The following ALG8 variants were observed in gnomAD, a reference collection of about 807,000 sequenced individuals.
ALG8 encodes ALG8 alpha-1,3-glucosyltransferase.
In ALG8, 48 loss-of-function variants were observed where a neutral mutation model predicts 70.2. That is an observed-to-expected ratio of 0.68 (90% CI 0.54 to 0.87). The LOEUF (loss-of-function observed/expected upper bound fraction) is 0.87. ALG8 is among the 40% of genes least tolerant of loss of function. The pLI is 0.00. For synonymous variants in ALG8, 234 were observed against 229.0 expected (o/e 1.02, Z -0.20); for missense variants, 572 against 608.7 (o/e 0.94, Z 0.64).
At position 78,104,344 on chromosome 11, in the gene ALG8, G is replaced by A; in HGVS notation, c.1276+12C>T. Reference sequence around the variant, plus strand: ...ATAGTCAAATATATTTTTCTCAGAAGACGCTGTTTACCTGGTGCAGTGAAG... The same window carrying A: ...ATAGTCAAATATATTTTTCTCAGAAAACGCTGTTTACCTGGTGCAGTGAAG... On this transcript the variant is annotated intron_variant, in intron 11 of 12. Coordinates refer to ENST00000299626, the MANE Select transcript of ALG8 (RefSeq NM_024079.5). 1 of 1,565,472 alleles carries A rather than the reference G, an allele frequency of 6.4e-7. No homozygotes were observed. The highest frequency in any genetic ancestry group is 8.7e-7 in the Non-Finnish European group (1 of 1,155,968).
chr11:78,110,654 T>C (rs760988408), intron 8 of ALG8, among the ~76,000 whole-genome samples: 31 of 152,296 alleles, frequency 2.0e-4, no homozygotes, highest in Middle Eastern at 3.4e-3. Context: ...AATAAATCAA[T>C]TCAGAGAATG....
chr11:78,123,060 C>A (rs1352487122), intron 3 of ALG8, among the ~76,000 whole-genome samples: 1 of 152,046 alleles, frequency 6.6e-6, no homozygotes, highest in African/African-American at 2.4e-5. Context: ...GTAATCCCAG[C>A]ACTTTGGGAG....
intron 5 of ALG8, among the ~76,000 whole-genome samples, chr11:78,117,807 G>A (rs1375481494): frequency 2.6e-4 from 39 of 150,316 alleles, no homozygotes; most frequent in Admixed American, 2.6e-3. Flanking sequence ...GGGAGCGGTG[G>A]CTCACGTCTG....
chr11:78,112,535 G>T, intron 8 of ALG8, 115 bp downstream of exon 8: 1 of 1,491,576 alleles, frequency 6.7e-7, no homozygotes, highest in Non-Finnish European at 9.2e-7. Flanking sequence ...CTGAAATGCA[G>T]GACTGGAGAA....
intron 8 of ALG8, 113 bp downstream of exon 8, chr11:78,112,537 A>C: frequency 6.7e-7 from 1 of 1,497,684 alleles, no homozygotes; most frequent in South Asian, 1.1e-5. Context: ...GAAATGCAGG[A>C]CTGGAGAACA....
At chr11:78,135,951 T>C (rs984536850) in intron 1 of ALG8, among the ~76,000 whole-genome samples, 76 of 151,704 alleles carry the variant, frequency 5.0e-4, no homozygotes, top group African/African-American at 1.8e-3. Context: ...GGTGGATCGC[T>C]TGAGGTCAGG....
At position 78,112,646 on chromosome 11, in the gene ALG8, A is replaced by G. The variant is rs778699564; in HGVS notation, c.898+4T>C. ...GTCTGAGTAAAAAATGCTCGCTACC[A>G]TACCGATGACAGACAGCACTTTGTC... On this transcript the variant is annotated splice_donor_region_variant and intron_variant, in intron 8 of 12. Coordinates refer to ENST00000299626, the MANE Select transcript of ALG8 (RefSeq NM_024079.5). The G allele has an allele frequency of 2.2e-5, 35 of 1,613,586 alleles. 1 individual carries two copies. In the East Asian group the frequency reaches 7.6e-4, roughly 35 times the overall value.
intron 7 of ALG8, 118 bp downstream of exon 7, chr11:78,113,768 G>A: frequency 3.7e-6 from 3 of 807,358 alleles, no homozygotes; most frequent in Non-Finnish European, 5.9e-6. Flanking sequence ...AGTCACGTTG[G>A]GTAAGGAGTA....
rs1174378754 is a variant in ALG8 at position 78,130,348 on chromosome 11, C to CAAAAAAAA, written c.96-2920_96-2913dup. Among the ~76,000 whole-genome samples the CAAAAAAAA allele has an allele frequency of 8.3e-4, 41 of 49,156 alleles. 10 individuals are homozygous for CAAAAAAAA. Among genetic ancestry groups the CAAAAAAAA allele is most frequent in the African/African-American group, 1.9e-3 (16 of 8,528 alleles). 32.2% of individuals were successfully genotyped at this position (49,156 alleles called of 152,430 possible). On this transcript the variant is annotated intron_variant, in intron 1 of 12. Coordinates refer to ENST00000299626, the MANE Select transcript of ALG8 (RefSeq NM_024079.5). Reference sequence around the variant, plus strand: ...TGGGAGACAGAGCAAGACCCGGTCTCAAAAAAAAAAAAAAAAAAAGGTGAG... The same window carrying CAAAAAAAA: ...TGGGAGACAGAGCAAGACCCGGTCTCAAAAAAAAAAAAAAAAAAAAAAAAAAAGGTGAG...
At chr11:78,124,852 A>G (rs631528) in intron 2 of ALG8, among the ~76,000 whole-genome samples, 33,109 of 152,046 alleles carry the variant, frequency 0.22, 4,445 homozygotes, top group African/African-American at 0.38. Context: ...GATCCTGGAG[A>G]ATAGAAACTA....
At chr11:78,110,024 C>T (rs1000888724) in intron 8 of ALG8, among the ~76,000 whole-genome samples, 2 of 152,214 alleles carry the variant, frequency 1.3e-5, no homozygotes, top group African/African-American at 4.8e-5. Context: ...TTGTTAAATG[C>T]GGCTTGGCCA....
intron 3 of ALG8, 143 bp downstream of exon 3, chr11:78,123,878 A>T: frequency 1.1e-6 from 1 of 943,632 alleles, no homozygotes; most frequent in Non-Finnish European, 1.6e-6. Context: ...CATGTAGTTT[A>T]AAGCACAATA....
intron 7 of ALG8, 129 bp from the exon 8 acceptor site, chr11:78,112,899 G>A: frequency 1.8e-6 from 2 of 1,101,386 alleles, no homozygotes; most frequent in Non-Finnish European, 1.3e-6. Flanking sequence ...TAAGTAAGTG[G>A]TTATATGCTC....
At chr11:78,103,659 G>A (rs1050627316) in intron 12 of ALG8, among the ~76,000 whole-genome samples, 5 of 152,104 alleles carry the variant, frequency 3.3e-5, no homozygotes, top group African/African-American at 4.8e-5. Flanking sequence ...TTTGTACATA[G>A]TATCTTTTAG....
At position 78,104,036 on chromosome 11, in the gene ALG8, G is replaced by T; in HGVS notation, c.1293C>A (p.Ile431=). 6.6e-7 allele frequency: 1 copy of T among 1,505,256 alleles called. No homozygotes were observed. The highest frequency in any genetic ancestry group is 2.3e-5 in the East Asian group (1 of 44,164). The allele number at this position is 1,505,256 out of a possible 1,614,324, so 93.2% of individuals were successfully genotyped here. A position where few individuals can be genotyped will look rare whatever the true frequency, so the allele number is the denominator to read the frequency against. The stretch of plus-strand genomic sequence containing the variant: ...ATATGGTGAATAGTAACATGAGTAA[G>T]ATTTTAATGGGAAGTTCTGTTAAAA... ...LFTAPELPIK[I]LLMLLFTIYS... The change falls in exon 12 of 13, where the codon ATC becomes ATA. Residue 431 remains isoleucine, a synonymous_variant. Transcript: ENST00000299626.
At chr11:78,108,418 A>G (rs1860138915) in intron 9 of ALG8, among the ~76,000 whole-genome samples, 1 of 152,212 alleles carries the variant, frequency 6.6e-6, no homozygotes, top group African/African-American at 2.4e-5. Flanking sequence ...TGACGGAGTG[A>G]GACTCTGTCT....
Position 78,113,963 on chromosome 11 carries a change from T to C in ALG8, c.700A>G (p.Ser234Gly), listed in dbSNP as rs750393405. ...PDGSIRWKSF[S>G]FVRVISLGLV... Reference sequence around the variant, plus strand: ...CCCAGGGAAATAACACGAACAAAGCTGAAACTCTTCCATCGAATAGACCCA... The same window carrying C: ...CCCAGGGAAATAACACGAACAAAGCCGAAACTCTTCCATCGAATAGACCCA... The change falls in exon 7 of 13, where the codon AGC becomes GGC. Residue 234 changes from serine (S) to glycine (G), a missense_variant. Coordinates refer to ENST00000299626, the MANE Select transcript of ALG8 (RefSeq NM_024079.5). The C allele has an allele frequency of 3.1e-6, 5 of 1,604,020 alleles. No individual in the cohort carries two copies. The highest frequency in any genetic ancestry group is 2.6e-6 in the Non-Finnish European group (3 of 1,175,864).
intron 10 of ALG8, among the ~76,000 whole-genome samples, chr11:78,105,331 A>G (rs7109501): frequency 0.066 from 10,043 of 152,212 alleles, 1,096 homozygotes; most frequent in African/African-American, 0.23. Flanking sequence ...TTATTTATCT[A>G]TTGGGTTTCA....
intron 5 of ALG8, 55 bp from the exon 6 acceptor site, chr11:78,114,447 A>G: frequency 1.0e-5 from 16 of 1,594,886 alleles, no homozygotes; most frequent in Non-Finnish European, 1.4e-5. Context: ...ATGAAATGCA[A>G]TAATGTGGTA....
Sources: gnomAD v4.1 joint callset for allele counts (sites outside exome capture counted in the v4.1 genomes callset) on GRCh38, gnomAD v4.1.1 for gene constraint, MANE v1.5 for transcripts, NCBI Gene and HGNC (gene_info 2026-07-23, HGNC 2026-07-21) for gene names.